Variants in WDFY3 observed in about 807,000 individuals in gnomAD.
WDFY3 encodes WD repeat and FYVE domain-containing protein 3.
Under a neutral mutation model 409.6 loss-of-function variants are expected in WDFY3, and 66 were observed. The ratio of observed to expected loss-of-function variants is 0.16; its 90% CI spans 0.13 to 0.20. The LOEUF is 0.20. WDFY3 is among the 10% of genes least tolerant of loss of function. The probability of loss-of-function intolerance (pLI) is 1.00; values close to 1 mark genes in which losing one functional copy is unlikely to be tolerated. For missense variants in WDFY3, 3,031 were observed against 4,298.1 expected (o/e 0.71, Z 8.24); for synonymous variants, 1,521 against 1,537.1 (o/e 0.99, Z 0.25).
At chr4:84,736,364 T>A (rs1560626608) in intron 41 of WDFY3, 37 bp from the exon 42 acceptor site, 1 of 1,545,066 alleles carries the variant, frequency 6.5e-7, no homozygotes, top group Non-Finnish European at 8.7e-7. Flanking sequence ...TTATAATTTC[T>A]CCATGTATTT....
At chr4:84,677,732 G>A (rs2148732667) in intron 66 of WDFY3, among the ~76,000 whole-genome samples, 1 of 152,140 alleles carries the variant, frequency 6.6e-6, no homozygotes, top group South Asian at 2.1e-4. Context: ...GGAGGCCGAG[G>A]TGGGCGGATC....
At chr4:84,955,158 G>A (rs1167233725) in intron 1 of WDFY3, among the ~76,000 whole-genome samples, 3 of 151,500 alleles carry the variant, frequency 2.0e-5, no homozygotes, top group African/African-American at 7.3e-5. Flanking sequence ...AGCTGAGATT[G>A]TGCCACTGCA....
intron 5 of WDFY3, among the ~76,000 whole-genome samples, chr4:84,848,199 A>G (rs1270191234): frequency 2.6e-5 from 4 of 151,928 alleles, no homozygotes; most frequent in Non-Finnish European, 5.9e-5. Flanking sequence ...ACCACAAGGC[A>G]TGTTATTATG....
chr4:84,820,231 AT>A (rs757477098), intron 11 of WDFY3, 45 bp from the exon 12 acceptor site: 1 of 1,466,962 alleles, frequency 6.8e-7, no homozygotes, highest in South Asian at 1.3e-5. Flanking sequence ...TGATAAGCTT[AT>A]TTTTTCTTGA....
intron 58 of WDFY3, among the ~76,000 whole-genome samples, chr4:84,695,716 CTCA>C (rs1286741522): frequency 6.6e-6 from 1 of 152,092 alleles, no homozygotes; most frequent in African/African-American, 2.4e-5. Context: ...CCTGTTACAT[CTCA>C]TGGAGGTTTA....
At chr4:84,834,132 C>T (rs989962700) in intron 7 of WDFY3, among the ~76,000 whole-genome samples, 1 of 152,070 alleles carries the variant, frequency 6.6e-6, no homozygotes, top group Non-Finnish European at 1.5e-5. Context: ...ATGTGATTAG[C>T]GAGACAAATG....
chr4:84,841,935 T>A lies in WDFY3; in HGVS notation c.305-672A>T, dbSNP rs988653849. Reference sequence around the variant, plus strand: ...AGAATGGTGAGAGGGAAATAAGAGGTTTCCTAAGTAATACACAGAGGAATA... The same window carrying A: ...AGAATGGTGAGAGGGAAATAAGAGGATTCCTAAGTAATACACAGAGGAATA... On this transcript the variant is annotated intron_variant, in intron 5 of 67. Transcript: ENST00000295888. 2.0e-5 allele frequency among the ~76,000 whole-genome samples: 3 copies of A among 152,150 alleles called. No individual in the cohort carries two copies. The South Asian group carries it at 6.2e-4, about 32-fold the overall frequency.
In WDFY3 at chr4:84,683,994, T is replaced by A. The variant is rs1288555298; in HGVS notation, c.9675A>T (p.Glu3225Asp). ...IICCCMSEMN[E>D]WDTQNVIVTG... The stretch of plus-strand genomic sequence containing the variant: ...TCACTATGACGTTCTGCGTGTCCCA[T>A]TCGTTCATCTCCGACATGCAGCAGC... Residue 3225 changes from glutamate to aspartate, a missense_variant, in exon 63 of 68, where the codon GAA becomes GAT. Physicochemically the swap from Glu to Asp is conservative, Grantham distance 45. Coordinates refer to ENST00000295888, the MANE Select transcript of WDFY3 (RefSeq NM_014991.6). The A allele has an allele frequency of 1.9e-6, 3 of 1,613,350 alleles. No individual in the cohort carries two copies. Among genetic ancestry groups the A allele is most frequent in the South Asian group, 2.2e-5 (2 of 91,060 alleles).
chr4:84,829,397 C>G (rs183513142), intron 8 of WDFY3, among the ~76,000 whole-genome samples: 2 of 152,016 alleles, frequency 1.3e-5, no homozygotes, highest in African/African-American at 4.8e-5. Context: ...AAGGATAATA[C>G]AGAAATGTGT....
intron 2 of WDFY3, among the ~76,000 whole-genome samples, chr4:84,925,576 C>T (rs1188976715): frequency 3.3e-5 from 5 of 152,014 alleles, no homozygotes; most frequent in Admixed American, 3.3e-4. Flanking sequence ...TAAGCAAATG[C>T]AATATGTGGA....
intron 36 of WDFY3, among the ~76,000 whole-genome samples, chr4:84,745,590 C>A (rs531337210): frequency 6.6e-6 from 1 of 152,266 alleles, no homozygotes; most frequent in South Asian, 2.1e-4. Context: ...AGGAAAATTG[C>A]TCTTTCTTCT....
At chr4:84,696,207 T>A (rs779130860) in intron 57 of WDFY3, 25 bp from the exon 58 acceptor site, 4 of 1,610,084 alleles carry the variant, frequency 2.5e-6, no homozygotes, top group Non-Finnish European at 3.4e-6. Context: ...ATAGGTTTAG[T>A]CACTGGCTGA....
At chr4:84,816,503 T>C (rs558322489) in intron 13 of WDFY3, among the ~76,000 whole-genome samples, 4 of 152,234 alleles carry the variant, frequency 2.6e-5, no homozygotes, top group African/African-American at 9.6e-5. Context: ...ATTAAATAAG[T>C]AGATGCAGAT....
chr4:84,914,705 T>G (rs140563506), intron 2 of WDFY3, among the ~76,000 whole-genome samples: 3 of 152,132 alleles, frequency 2.0e-5, no homozygotes, highest in Admixed American at 6.5e-5. Flanking sequence ...CTAGTAAGTA[T>G]GTAGAGAAAT....
At chr4:84,696,883 T>C in intron 56 of WDFY3, 60 bp from the exon 57 acceptor site, 1 of 1,441,438 alleles carries the variant, frequency 6.9e-7, no homozygotes, top group Non-Finnish European at 9.7e-7. Flanking sequence ...ATGGTAACTT[T>C]ATATTAATCT....
At chr4:84,739,233 G>A (rs1560632969) in intron 39 of WDFY3, 114 bp from the exon 40 acceptor site, 7 of 1,012,458 alleles carry the variant, frequency 6.9e-6, no homozygotes, top group African/African-American at 1.6e-5. Context: ...CTACTCAGCA[G>A]ATGCACAGAA....
intron 4 of WDFY3, among the ~76,000 whole-genome samples, chr4:84,850,943 T>C (rs1260919458): frequency 1.4e-5 from 1 of 71,310 alleles, no homozygotes; most frequent in African/African-American, 4.5e-5. Flanking sequence ...TTTTTTTTTT[T>C]TTTTTTTTTT....
intron 3 of WDFY3, among the ~76,000 whole-genome samples, chr4:84,862,774 T>A (rs1578867240): frequency 6.6e-6 from 1 of 152,012 alleles, no homozygotes; most frequent in Non-Finnish European, 1.5e-5. Flanking sequence ...GATCACGAGG[T>A]CAGGGGATCG....
At chr4:84,741,019 T>G (rs1738315654) in intron 38 of WDFY3, among the ~76,000 whole-genome samples, 2 of 152,248 alleles carry the variant, frequency 1.3e-5, no homozygotes, top group South Asian at 4.1e-4. Flanking sequence ...AACCCTTAAT[T>G]AAAAGTACTG....
Sources: gnomAD v4.1 joint callset for allele counts (sites outside exome capture counted in the v4.1 genomes callset) on GRCh38, gnomAD v4.1.1 for gene constraint, MANE v1.5 for transcripts, NCBI Gene and HGNC (gene_info 2026-07-23, HGNC 2026-07-21) for gene names.